TMCO4: variants seen among roughly 807,000 people sequenced by gnomAD.
The protein encoded by TMCO4 is transmembrane and coiled-coil domains 4.
TMCO4 carries 58 observed loss-of-function variants against 64.7 expected under a neutral mutation model. The observed-to-expected ratio is 0.90, with a 90% CI of 0.73 to 1.12. TMCO4 has a LOEUF of 1.12. Among genes scored for constraint, TMCO4 ranks in the 50% most tolerant of loss-of-function variants. The pLI is 0.00. For missense variants in TMCO4, 780 were observed against 825.9 expected, an observed-to-expected ratio of 0.94 and a Z score of 0.68; for synonymous variants, 325 against 346.1, an observed-to-expected ratio of 0.94 and a Z score of 0.68.
rs71010505 is a variant in TMCO4, at chr1:19,702,285, C to CAAAAAAAA, written c.1265-1408_1265-1401dup. ...TGCCTGGCCGAGACTCTTGTCTTTA[C>CAAAAAAAA]AAAAAAAAAAAAAAAAAAAGTCAGG... is the stretch of plus-strand genomic sequence containing the variant. On this transcript the variant is annotated intron_variant, in intron 13 of 15. Coordinates refer to ENST00000294543, the MANE Select transcript of TMCO4 (RefSeq NM_181719.7). Among the ~76,000 whole-genome samples the CAAAAAAAA allele has an allele frequency of 6.7e-4, 69 of 102,866 alleles. 1 individual carries two copies. Among genetic ancestry groups the CAAAAAAAA allele is most frequent in the Non-Finnish European group, 7.8e-4 (39 of 49,908 alleles). 67.5% of individuals were successfully genotyped at this position (102,866 alleles called of 152,430 possible).
intron 15 of TMCO4, among the ~76,000 whole-genome samples, chr1:19,686,272 G>A (rs1341620316): frequency 6.6e-6 from 1 of 152,136 alleles, no homozygotes; most frequent in African/African-American, 2.4e-5. Flanking sequence ...AGCCAGTCGA[G>A]GGGGCCTGCT....
At chr1:19,752,575 CAGAT>C (rs552580574) in intron 7 of TMCO4, among the ~76,000 whole-genome samples, 89 of 152,274 alleles carry the variant, frequency 5.8e-4, no homozygotes, top group Middle Eastern at 3.4e-3. Flanking sequence ...TTTGTGCTGA[CAGAT>C]AGAGAGAGCT....
chr1:19,797,224 G>T (rs1270519318), intron 2 of TMCO4, among the ~76,000 whole-genome samples: 1 of 152,198 alleles, frequency 6.6e-6, no homozygotes, highest in African/African-American at 2.4e-5. Context: ...TTACAGTCAG[G>T]GTGGTGTACA....
intron 15 of TMCO4, among the ~76,000 whole-genome samples, chr1:19,692,069 T>A (rs960484063): frequency 6.6e-6 from 1 of 152,176 alleles, no homozygotes; most frequent in Non-Finnish European, 1.5e-5. Flanking sequence ...CCAGTCTTGG[T>A]ATGTCTTTAT....
chr1:19,724,681 A>C (rs924788674), intron 13 of TMCO4, among the ~76,000 whole-genome samples: 16 of 152,148 alleles, frequency 1.1e-4, no homozygotes, highest in African/African-American at 3.9e-4. Context: ...TGACTTGCCC[A>C]AGGGTACCCA....
intron 2 of TMCO4, among the ~76,000 whole-genome samples, chr1:19,795,002 G>A (rs1041656165): frequency 6.6e-6 from 1 of 152,168 alleles, no homozygotes; most frequent in Non-Finnish European, 1.5e-5. Context: ...AGGAGGAACA[G>A]GGGAGGGAAG....
At chr1:19,779,120 G>A (rs74670951) in intron 4 of TMCO4, among the ~76,000 whole-genome samples, 2,372 of 152,302 alleles carry the variant, frequency 0.016, 66 homozygotes, top group African/African-American at 0.054. Flanking sequence ...ACTCATGGGG[G>A]ACCACTGAGT....
intron 6 of TMCO4, among the ~76,000 whole-genome samples, chr1:19,770,178 A>G (rs2042921924): frequency 6.6e-6 from 1 of 152,070 alleles, no homozygotes; most frequent in Non-Finnish European, 1.5e-5. Flanking sequence ...TGGGGAGAAA[A>G]CTGCTGGCCA....
At chr1:19,735,621 G>A (rs976354932) in intron 13 of TMCO4, among the ~76,000 whole-genome samples, 5 of 152,166 alleles carry the variant, frequency 3.3e-5, no homozygotes, top group African/African-American at 9.6e-5. Context: ...TCTGGGGACA[G>A]CTGAGAGTCG....
At chr1:19,775,499 C>G (rs150110360) in intron 4 of TMCO4, among the ~76,000 whole-genome samples, 1 of 152,226 alleles carries the variant, frequency 6.6e-6, no homozygotes, top group Admixed American at 6.5e-5. Context: ...GCTTAGAAAA[C>G]TACAGCTAAC....
At chr1:19,697,206 T>C (rs1013942204) in intron 14 of TMCO4, among the ~76,000 whole-genome samples, 1 of 152,172 alleles carries the variant, frequency 6.6e-6, no homozygotes, top group Non-Finnish European at 1.5e-5. Flanking sequence ...CTTTCAAAAT[T>C]CACCTTGGAC....
At chr1:19,769,675 T>A (rs1357316670) in intron 6 of TMCO4, among the ~76,000 whole-genome samples, 1 of 152,098 alleles carries the variant, frequency 6.6e-6, no homozygotes, top group African/African-American at 2.4e-5. Context: ...AAGCCACTTA[T>A]GCAATAAGAG....
At position 19,734,447 on chromosome 1, in the gene TMCO4, G is replaced by C. The variant is rs959979598; in HGVS notation, c.1264+2925C>G. Reference sequence around the variant, plus strand: ...TAGGGTGCCCAGCACCAGTGCCCCCGGGTCCTCCTTGGCAGGATCCACTCA... The same window carrying C: ...TAGGGTGCCCAGCACCAGTGCCCCCCGGTCCTCCTTGGCAGGATCCACTCA... On this transcript the variant is annotated intron_variant, in intron 13 of 15. Transcript: ENST00000294543. This position sits in a 1 kb window ranked among gnomAD's most constrained non-coding sequence, Gnocchi z 4.4. Among the ~76,000 whole-genome samples, 1 of 152,082 alleles carries C rather than the reference G, an allele frequency of 6.6e-6. No individual in the cohort carries two copies. Among genetic ancestry groups the C allele is most frequent in the Non-Finnish European group, 1.5e-5 (1 of 68,006 alleles).
Position 19,682,408 on chromosome 1 carries a change from G to T in TMCO4, c.*632C>A. The T allele has an allele frequency of 1.8e-6, 1 of 554,162 alleles. No individual in the cohort carries two copies. The highest frequency in any genetic ancestry group is 1.9e-5 in the African/African-American group (1 of 53,428). 34.3% of individuals were successfully genotyped at this position (554,162 alleles called of 1,614,324 possible). On this transcript the variant is annotated 3_prime_UTR_variant, in exon 16 of 16. Transcript: ENST00000294543. ...TAGTGGTGTCCAGATGTTGCATGAC[G>T]GGGGAGCACACTCACATTGTGTCTG...
intron 15 of TMCO4, among the ~76,000 whole-genome samples, chr1:19,691,044 A>C (rs559679618): frequency 2.0e-5 from 3 of 151,522 alleles, no homozygotes; most frequent in Non-Finnish European, 4.4e-5. Flanking sequence ...AATTTTTTGT[A>C]TTTTTAGTAG....
chr1:19,687,905 C>G (rs1248359174), intron 15 of TMCO4, among the ~76,000 whole-genome samples: 1 of 152,174 alleles, frequency 6.6e-6, no homozygotes, highest in East Asian at 1.9e-4. Context: ...TGAGCCACCC[C>G]TCTGCAAAGA....
At chr1:19,706,765 G>GA (rs914902332) in intron 13 of TMCO4, among the ~76,000 whole-genome samples, 27 of 151,846 alleles carry the variant, frequency 1.8e-4, no homozygotes, top group African/African-American at 5.8e-4. Flanking sequence ...CATGTGCCGT[G>GA]AAAAAAAATG....
intron 15 of TMCO4, among the ~76,000 whole-genome samples, chr1:19,683,674 A>G (rs1277196080): frequency 2.0e-5 from 3 of 151,844 alleles, no homozygotes; most frequent in Admixed American, 6.6e-5. Flanking sequence ...ATGTTTCTCT[A>G]AAAAATCTGG....
Position 19,715,732 on chromosome 1 carries a change from T to C in TMCO4, c.1265-14847A>G, listed in dbSNP as rs142320633. 1.4e-3 allele frequency among the ~76,000 whole-genome samples: 211 copies of C among 152,290 alleles called. 1 individual carries two copies. Among genetic ancestry groups the C allele is most frequent in the African/African-American group, 4.8e-3 (199 of 41,570 alleles). On this transcript the variant is annotated intron_variant, in intron 13 of 15. Coordinates refer to ENST00000294543, the MANE Select transcript of TMCO4 (RefSeq NM_181719.7). ...GAGGAGGGATGGCTGCAGAAATGGC[T>C]GTGAAGTGGCCTTTTCCTCTATGAA...
Sources: allele counts gnomAD v4.1 joint callset (sites outside exome capture counted in the v4.1 genomes callset), GRCh38; gene constraint gnomAD v4.1.1; non-coding constraint Gnocchi (gnomAD v3.1); transcripts MANE v1.5; gene names NCBI Gene and HGNC (gene_info 2026-07-23, HGNC 2026-07-21).